Variants in LRFN5 observed in about 807,000 individuals in gnomAD.
LRFN5 encodes the protein leucine-rich repeat and fibronectin type-III domain-containing protein 5.
In LRFN5, 24 loss-of-function variants were observed where a neutral mutation model predicts 45.6. That is an observed-to-expected ratio of 0.53 (90% CI 0.38 to 0.74). LRFN5 has a LOEUF of 0.74. LRFN5 is among the 30% of genes least tolerant of loss of function. The pLI is 0.00. For missense variants in LRFN5, 776 were observed against 861.5 expected (o/e 0.90, Z 1.24); for synonymous variants, 340 against 313.8 (o/e 1.08, Z -0.88).
At chr14:41,727,826 A>C (rs1055806020) in intron 1 of LRFN5, among the ~76,000 whole-genome samples, 2 of 152,098 alleles carry the variant, frequency 1.3e-5, no homozygotes, top group African/African-American at 4.8e-5. Flanking sequence ...GAGCCAAAAT[A>C]CTTTTATTTT....
chr14:41,696,421 A>G (rs967774585), intron 1 of LRFN5, among the ~76,000 whole-genome samples: 6 of 151,934 alleles, frequency 3.9e-5, no homozygotes, highest in African/African-American at 1.2e-4. Context: ...GCAGCATCAC[A>G]TATTACAGAG....
intron 1 of LRFN5, among the ~76,000 whole-genome samples, chr14:41,689,996 A>G (rs992137265): frequency 1.3e-5 from 2 of 152,032 alleles, no homozygotes; most frequent in East Asian, 3.8e-4. Flanking sequence ...TATGAATGCT[A>G]ACTTTTTACA....
chr14:41,842,793 T>G (rs1317905775), intron 2 of LRFN5, among the ~76,000 whole-genome samples: 3 of 152,058 alleles, frequency 2.0e-5, no homozygotes, highest in Non-Finnish European at 4.4e-5. Flanking sequence ...TGCTGTAAAA[T>G]TTTAGTCATT....
chr14:41,875,523 C>T (rs1377615885), intron 2 of LRFN5, among the ~76,000 whole-genome samples: 4 of 152,184 alleles, frequency 2.6e-5, no homozygotes, highest in Admixed American at 2.0e-4. Flanking sequence ...AGATAGGTGA[C>T]AACTCAAGCT....
intron 2 of LRFN5, among the ~76,000 whole-genome samples, chr14:41,849,331 C>T (rs2139071666): frequency 6.6e-6 from 1 of 152,056 alleles, no homozygotes; most frequent in South Asian, 2.1e-4. Flanking sequence ...TCTTCCCAAA[C>T]TGTCTTCCAC....
intron 2 of LRFN5, among the ~76,000 whole-genome samples, chr14:41,873,091 A>G (rs747893424): frequency 3.9e-5 from 6 of 152,174 alleles, no homozygotes; most frequent in Non-Finnish European, 5.9e-5. Flanking sequence ...GTTCTTGCTT[A>G]CTACACTGTT....
At chr14:41,871,877 G>C (rs904251676) in intron 2 of LRFN5, among the ~76,000 whole-genome samples, 1 of 152,014 alleles carries the variant, frequency 6.6e-6, no homozygotes, top group Admixed American at 6.6e-5. Flanking sequence ...TAAAGTTGAG[G>C]ACATTAGCCA....
chr14:41,770,827 C>A (rs955302821), intron 2 of LRFN5, among the ~76,000 whole-genome samples: 4 of 152,138 alleles, frequency 2.6e-5, no homozygotes, highest in African/African-American at 9.7e-5. Context: ...AGACAGTGTC[C>A]TGGTGGAGAC....
At chr14:41,818,403 CTG>C (rs368032184) in intron 2 of LRFN5, among the ~76,000 whole-genome samples, 36 of 152,090 alleles carry the variant, frequency 2.4e-4, no homozygotes, top group Non-Finnish European at 4.4e-4. Context: ...AAATATCTCA[CTG>C]TTTTATATAG....
At chr14:41,643,473 T>A (rs1280662767) in intron 1 of LRFN5, among the ~76,000 whole-genome samples, 1 of 152,250 alleles carries the variant, frequency 6.6e-6, no homozygotes, top group African/African-American at 2.4e-5. Flanking sequence ...ATACATATCT[T>A]CTCGGCACAC....
chr14:41,704,616 A>T (rs1882988507), intron 1 of LRFN5, among the ~76,000 whole-genome samples: 1 of 151,818 alleles, frequency 6.6e-6, no homozygotes, highest in Admixed American at 6.6e-5. Flanking sequence ...GTGCCACCAC[A>T]CCTGGATAGA....
intron 1 of LRFN5, among the ~76,000 whole-genome samples, chr14:41,669,257 A>C (rs1881049518): frequency 6.6e-6 from 1 of 151,942 alleles, no homozygotes; most frequent in African/African-American, 2.4e-5. Context: ...CAACTCCAAA[A>C]CTGGAACCCA....
intron 1 of LRFN5, among the ~76,000 whole-genome samples, chr14:41,639,949 A>ATTTTTTTTTTTTTTTTT: frequency 1.5e-5 from 1 of 68,036 alleles, no homozygotes; most frequent in Non-Finnish European, 2.7e-5. Context: ...TGACTGGCTA[A>ATTTTTTTTTTTTTTTTT]TTTTTTTTTT....
chr14:41,739,550 T>A (rs543345662), intron 1 of LRFN5, among the ~76,000 whole-genome samples: 1 of 151,998 alleles, frequency 6.6e-6, no homozygotes, highest in South Asian at 2.1e-4. Context: ...CCAAAACTTA[T>A]GGGATACAGC....
At chr14:41,867,875 C>T (rs1462828410) in intron 2 of LRFN5, among the ~76,000 whole-genome samples, 2 of 151,884 alleles carry the variant, frequency 1.3e-5, no homozygotes, top group Admixed American at 1.3e-4. Context: ...TCTTCTTTGT[C>T]TCTGTTTGCC....
intron 2 of LRFN5, among the ~76,000 whole-genome samples, chr14:41,772,985 C>T (rs185103019): frequency 5.3e-5 from 8 of 152,088 alleles, no homozygotes; most frequent in Non-Finnish European, 1.2e-4. Context: ...CAATACCCAG[C>T]GATGTATCTA....
Position 41,659,447 on chromosome 14 carries a change from A to G in LRFN5, c.-197+50885A>G, listed in dbSNP as rs374073973. Among the ~76,000 whole-genome samples, 14 of 152,232 alleles carry G rather than the reference A, an allele frequency of 9.2e-5. 1 individual carries two copies. The East Asian group carries it at 1.2e-3, about 13-fold the overall frequency. The stretch of plus-strand genomic sequence containing the variant: ...GTGCCACATCTTCTTTATCCAGTCT[A>G]TCATTGATGGGCATTTGGGTTGGTT... On this transcript the variant is annotated intron_variant, in intron 1 of 5. Transcript: ENST00000298119.
chr14:41,862,407 G>C (rs11846764), intron 2 of LRFN5, among the ~76,000 whole-genome samples: 1 of 151,900 alleles, frequency 6.6e-6, no homozygotes, highest in Non-Finnish European at 1.5e-5. Flanking sequence ...ATTAAAGGGG[G>C]GTTAATTAAT....
intron 2 of LRFN5, among the ~76,000 whole-genome samples, chr14:41,774,397 A>C (rs2138899863): frequency 6.6e-6 from 1 of 152,286 alleles, no homozygotes; most frequent in South Asian, 2.1e-4. Flanking sequence ...AGAATATAGG[A>C]GCCTTTACAG....
Sources: allele counts gnomAD v4.1 joint callset (sites outside exome capture counted in the v4.1 genomes callset), GRCh38; gene constraint gnomAD v4.1.1; transcripts MANE v1.5; gene names NCBI Gene and HGNC (gene_info 2026-07-23, HGNC 2026-07-21).